SORL1: variants seen among roughly 807,000 people sequenced by gnomAD.
The protein encoded by SORL1 is sortilin-related receptor.
SORL1 carries 127 observed loss-of-function variants against 273.7 expected under a neutral mutation model. The ratio of observed to expected loss-of-function variants is 0.46; its 90% CI spans 0.40 to 0.54. SORL1 has a LOEUF of 0.54. Among genes scored for constraint, SORL1 ranks in the 20% least tolerant of loss-of-function variants. The pLI is 0.00. For synonymous variants in SORL1, 1,031 were observed against 1,067.4 expected (o/e 0.97, Z 0.66); for missense variants, 2,494 against 2,846.1 (o/e 0.88, Z 2.81).
intron 16 of SORL1, among the ~76,000 whole-genome samples, chr11:121,553,050 C>G (rs1367235035): frequency 6.6e-6 from 1 of 152,208 alleles, no homozygotes; most frequent in Non-Finnish European, 1.5e-5. Context: ...ACCTTCATTT[C>G]TACATCTTAA....
rs1863432575 is a variant in SORL1 at position 121,604,170 on chromosome 11, TAAG to T, written c.4520-19_4520-17del. On this transcript the variant is annotated intron_variant, in intron 32 of 47. Transcript: ENST00000260197. ...ACCATACGGCCCCTCCCCGTGGACT[TAAG>T]AAGCCTCTCTGTGTTTCAGCCACAC... 2.5e-6 allele frequency: 4 copies of T among 1,613,132 alleles called. No individual in the cohort carries two copies. In the South Asian group the frequency reaches 4.4e-5, roughly 18 times the overall value.
chr11:121,532,148 G>T (rs890270165), intron 11 of SORL1, among the ~76,000 whole-genome samples: 2 of 152,188 alleles, frequency 1.3e-5, no homozygotes, highest in African/African-American at 4.8e-5. Context: ...TTAATCAAGG[G>T]TTGGTGGGAG....
At chr11:121,589,697 A>T (rs1277175130) in intron 29 of SORL1, among the ~76,000 whole-genome samples, 3 of 152,250 alleles carry the variant, frequency 2.0e-5, no homozygotes, top group Non-Finnish European at 4.4e-5. Context: ...TCCCCCTAAA[A>T]GTGACAGGCC....
At chr11:121,513,347 G>A (rs1861906612) in intron 7 of SORL1, among the ~76,000 whole-genome samples, 1 of 152,170 alleles carries the variant, frequency 6.6e-6, no homozygotes, top group African/African-American at 2.4e-5. Flanking sequence ...AGAGAGGTTC[G>A]AGCCAGAGTC....
chr11:121,575,766 G>A (rs973601939), intron 24 of SORL1, among the ~76,000 whole-genome samples: 1 of 152,176 alleles, frequency 6.6e-6, no homozygotes, highest in African/African-American at 2.4e-5. Context: ...AGCACTCTTA[G>A]AAGGTTGAAA....
rs1863877313 is a variant in SORL1 at position 121,631,572 on chromosome 11, A to T, written c.*2009A>T. On this transcript the variant is annotated 3_prime_UTR_variant, in exon 48 of 48. Transcript: ENST00000260197. ...CTTTTTCTGCCAACTTTTTGGTGGC[A>T]TTTGTAAAAGCTGATATAAAAGGCT... 1 of 152,186 alleles carries T rather than the reference A, an allele frequency of 6.6e-6. No homozygotes were observed. Among genetic ancestry groups the T allele is most frequent in the African/African-American group, 2.4e-5 (1 of 41,442 alleles). The allele number at this position is 152,186 out of a possible 1,614,324, so 9.4% of individuals were successfully genotyped here.
At chr11:121,556,553 G>T (rs1256520100) in intron 18 of SORL1, among the ~76,000 whole-genome samples, 3 of 152,224 alleles carry the variant, frequency 2.0e-5, no homozygotes. Flanking sequence ...GGGGCTAAAA[G>T]AATGCAGGTG....
chr11:121,602,055 C>G (rs1863400806), intron 32 of SORL1, among the ~76,000 whole-genome samples: 1 of 152,156 alleles, frequency 6.6e-6, no homozygotes, highest in South Asian at 2.1e-4. Flanking sequence ...GGAGCAGTGC[C>G]CGAGTCATGG....
At chr11:121,594,384 C>A (rs963217271) in intron 31 of SORL1, among the ~76,000 whole-genome samples, 2 of 151,974 alleles carry the variant, frequency 1.3e-5, no homozygotes, top group African/African-American at 4.8e-5. Flanking sequence ...GTCTCCTGAT[C>A]TGGTCTTCTT....
At position 121,532,475 on chromosome 11, in the gene SORL1, A is replaced by G. The variant is rs1862215583; in HGVS notation, c.1608A>G (p.Gly536=). The change falls in exon 12 of 48, where the codon GGA becomes GGG. Residue 536 remains glycine (G), a synonymous_variant. Transcript: ENST00000260197. The part of the protein sequence containing the change: ...AGARWREALP[G]PHYYTWGDHG... Reference sequence around the variant, plus strand: ...TTTTTCCTCTTCAGGCACTTCCTGGACCTCACTACTACACATGGGGAGACC... The same window carrying G: ...TTTTTCCTCTTCAGGCACTTCCTGGGCCTCACTACTACACATGGGGAGACC... 2 of 1,613,912 alleles carry G rather than the reference A, an allele frequency of 1.2e-6. No individual in the cohort carries two copies. The highest frequency in any genetic ancestry group is 1.7e-6 in the Non-Finnish European group (2 of 1,179,978).
At chr11:121,612,684 A>G in intron 39 of SORL1, 52 bp from the exon 40 acceptor site, 1 of 1,280,278 alleles carries the variant, frequency 7.8e-7, no homozygotes, top group South Asian at 1.2e-5. Flanking sequence ...TTTTGTATTT[A>G]GTGTGCCCCA....
chr11:121,465,938 A>AC (rs947734846), intron 1 of SORL1, among the ~76,000 whole-genome samples: 5 of 150,316 alleles, frequency 3.3e-5, no homozygotes, highest in African/African-American at 9.8e-5. Context: ...GGGGCATGGG[A>AC]CCCCCCTAGG....
At chr11:121,558,974 C>T in intron 20 of SORL1, 137 bp downstream of exon 20, 1 of 1,149,360 alleles carries the variant, frequency 8.7e-7, no homozygotes, top group Non-Finnish European at 1.2e-6. Flanking sequence ...TTTGAGATAA[C>T]TTATTTTCAG....
At chr11:121,564,518 A>G (rs912292863) in intron 21 of SORL1, among the ~76,000 whole-genome samples, 3 of 152,180 alleles carry the variant, frequency 2.0e-5, no homozygotes, top group Non-Finnish European at 4.4e-5. Context: ...TTTTACAGAC[A>G]TGATCCCTGT....
At chr11:121,486,700 C>T (rs576860033) in intron 3 of SORL1, among the ~76,000 whole-genome samples, 56 of 152,060 alleles carry the variant, frequency 3.7e-4, no homozygotes, top group African/African-American at 1.2e-3. Flanking sequence ...AGGATGGTCT[C>T]GATCTCCTGA....
chr11:121,611,268 A>AAACG, intron 39 of SORL1, 110 bp downstream of exon 39: 1 of 753,926 alleles, frequency 1.3e-6, no homozygotes, highest in South Asian at 1.8e-5. Flanking sequence ...AAAACAAAAA[A>AAACG]AACGAACGGC....
rs564241494 is a variant in SORL1 at position 121,543,848 on chromosome 11, C to G, written c.1864+122C>G. The G allele has an allele frequency of 4.7e-6, 4 of 845,386 alleles. No individual in the cohort carries two copies. In the Admixed American group the frequency reaches 1.1e-4, roughly 23 times the overall value. The allele number at this position is 845,386 out of a possible 1,614,324, so 52.4% of individuals were successfully genotyped here. On this transcript the variant is annotated intron_variant, in intron 13 of 47. Coordinates refer to ENST00000260197, the MANE Select transcript of SORL1 (RefSeq NM_003105.6). ...CTGACATTCATTGGGGGAGATGGGC[C>G]CATAAGAGTTAGCAAAAAGCATAGG...
At chr11:121,620,324 AGTT>A (rs1863705371) in intron 43 of SORL1, among the ~76,000 whole-genome samples, 1 of 152,202 alleles carries the variant, frequency 6.6e-6, no homozygotes, top group South Asian at 2.1e-4. Flanking sequence ...TGATCAGCAG[AGTT>A]GTTGTGGTGG....
intron 42 of SORL1, among the ~76,000 whole-genome samples, chr11:121,619,541 A>G (rs1863690433): frequency 6.6e-6 from 1 of 152,218 alleles, no homozygotes. Flanking sequence ...TTATATATGC[A>G]TAGGGGATTT....
Sources: allele counts gnomAD v4.1 joint callset (sites outside exome capture counted in the v4.1 genomes callset), GRCh38; gene constraint gnomAD v4.1.1; transcripts MANE v1.5; gene names NCBI Gene and HGNC (gene_info 2026-07-23, HGNC 2026-07-21).